Variants in CEP112 observed in about 807,000 individuals in gnomAD.
The protein encoded by CEP112 is centrosomal protein 112.
In CEP112, 127 loss-of-function variants were observed where a neutral mutation model predicts 153.0. The ratio of observed to expected loss-of-function variants is 0.83; its 90% CI spans 0.72 to 0.96. The LOEUF (loss-of-function observed/expected upper bound fraction) is 0.96, where lower values mean the gene tolerates loss of function less well. Among genes scored for constraint, CEP112 ranks in the 40% least tolerant of loss-of-function variants. The probability of loss-of-function intolerance (pLI) is 0.00; values close to 1 mark genes in which losing one functional copy is unlikely to be tolerated. For synonymous variants in CEP112, 358 were observed against 374.4 expected, an observed-to-expected ratio of 0.96 and a Z score of 0.51; for missense variants, 1,089 against 1,101.2, an observed-to-expected ratio of 0.99 and a Z score of 0.16.
At chr17:65,982,382 C>A (rs2063260847) in intron 17 of CEP112, among the ~76,000 whole-genome samples, 1 of 152,174 alleles carries the variant, frequency 6.6e-6, no homozygotes, top group Non-Finnish European at 1.5e-5. Flanking sequence ...GCAACTTGCC[C>A]AACTTAACTG....
At chr17:65,944,486 T>C (rs2061591579) in intron 18 of CEP112, among the ~76,000 whole-genome samples, 1 of 152,224 alleles carries the variant, frequency 6.6e-6, no homozygotes, top group African/African-American at 2.4e-5. Context: ...TAAAGTTAAA[T>C]GGGTTATTAT....
At chr17:66,121,258 A>T (rs1598392325) in intron 6 of CEP112, among the ~76,000 whole-genome samples, 1 of 150,590 alleles carries the variant, frequency 6.6e-6, no homozygotes, top group South Asian at 2.1e-4. Context: ...CCTGGGCAAC[A>T]TGAGCGACAC....
At chr17:65,762,770 T>C (rs2052686409) in intron 21 of CEP112, among the ~76,000 whole-genome samples, 1 of 152,024 alleles carries the variant, frequency 6.6e-6, no homozygotes, top group South Asian at 2.1e-4. Context: ...TTCACATATA[T>C]GTAAGCTTAT....
intron 8 of CEP112, among the ~76,000 whole-genome samples, chr17:66,086,011 C>A (rs1211571645): frequency 2.0e-5 from 3 of 147,412 alleles, no homozygotes; most frequent in Non-Finnish European, 3.0e-5. Flanking sequence ...ATGAAATGGT[C>A]TATATACAGT....
chr17:65,654,869 G>A (rs1340225205), intron 24 of CEP112: 1 of 479,206 alleles, frequency 2.1e-6, no homozygotes. Context: ...GAATAAGATT[G>A]AGGTTGTCAC....
chr17:66,120,262 A>G (rs2069510863), intron 6 of CEP112, among the ~76,000 whole-genome samples: 1 of 152,156 alleles, frequency 6.6e-6, no homozygotes, highest in African/African-American at 2.4e-5. Context: ...GTGCAGTGGC[A>G]TGATCTCAGC....
At chr17:66,058,030 T>C (rs752838389) in intron 11 of CEP112, among the ~76,000 whole-genome samples, 27 of 151,810 alleles carry the variant, frequency 1.8e-4, no homozygotes, top group Admixed American at 2.6e-4. Flanking sequence ...GAGGCAAAGG[T>C]TGCAGTGAGC....
chr17:65,846,261 T>C (rs1223089878), intron 21 of CEP112, among the ~76,000 whole-genome samples: 1 of 152,138 alleles, frequency 6.6e-6, no homozygotes, highest in Non-Finnish European at 1.5e-5. Context: ...CACAAAAGAA[T>C]CAGCAGCTTG....
intron 17 of CEP112, among the ~76,000 whole-genome samples, chr17:65,990,881 G>T (rs2063570637): frequency 6.6e-6 from 1 of 152,242 alleles, no homozygotes; most frequent in Non-Finnish European, 1.5e-5. Context: ...CTGTGTGCTT[G>T]GGAGAGGAGG....
chr17:65,774,085 T>TTA (rs1598538344), intron 21 of CEP112, among the ~76,000 whole-genome samples: 1 of 68,624 alleles, frequency 1.5e-5, no homozygotes, highest in Admixed American at 1.5e-4. Context: ...AGGCTCCATC[T>TTA]CAAAAAAAAA....
intron 4 of CEP112, among the ~76,000 whole-genome samples, chr17:66,170,463 G>A (rs1250580523): frequency 6.6e-6 from 1 of 152,046 alleles, no homozygotes; most frequent in African/African-American, 2.4e-5. Flanking sequence ...ATATTTCATT[G>A]TCAAGAAAAT....
intron 11 of CEP112, among the ~76,000 whole-genome samples, chr17:66,055,529 G>A (rs2066644913): frequency 6.6e-6 from 1 of 152,094 alleles, no homozygotes; most frequent in Non-Finnish European, 1.5e-5. Context: ...GGGCTCTAAA[G>A]GAGTCACTTA....
intron 13 of CEP112, among the ~76,000 whole-genome samples, chr17:66,029,619 G>A (rs370757915): frequency 2.0e-5 from 3 of 152,014 alleles, no homozygotes; most frequent in East Asian, 1.9e-4. Flanking sequence ...AGGGAGAATC[G>A]TATGAGCCCA....
At chr17:65,940,312 C>T (rs928566240) in intron 18 of CEP112, among the ~76,000 whole-genome samples, 6 of 152,122 alleles carry the variant, frequency 3.9e-5, no homozygotes. Context: ...ATAACCACTA[C>T]AGAAAATGTA....
intron 24 of CEP112, among the ~76,000 whole-genome samples, chr17:65,645,187 T>C (rs1017127723): frequency 6.6e-6 from 1 of 151,846 alleles, no homozygotes; most frequent in Non-Finnish European, 1.5e-5. Flanking sequence ...TTGACCCTTC[T>C]TTGACAATCT....
rs118012625 is a variant in CEP112, at chr17:65,676,897, A to G, written c.2697+12232T>C. The stretch of plus-strand genomic sequence containing the variant: ...ATCTTAAGCTGAAGAGTAGAAAAAT[A>G]AGATAAATTGCTGCTCTGGTTTCAA... On this transcript the variant is annotated intron_variant, in intron 24 of 26. Transcript: ENST00000535342. 1.0e-3 allele frequency among the ~76,000 whole-genome samples: 154 copies of G among 152,316 alleles called. 2 individuals carry two copies. In the East Asian group the frequency reaches 0.027, roughly 27 times the overall value.
intron 21 of CEP112, among the ~76,000 whole-genome samples, chr17:65,788,928 T>C (rs562773862): frequency 6.6e-6 from 1 of 152,238 alleles, no homozygotes; most frequent in Non-Finnish European, 1.5e-5. Flanking sequence ...CAATTGCTTA[T>C]CGATCTATAG....
chr17:65,649,598 G>C (rs574608283), intron 24 of CEP112, among the ~76,000 whole-genome samples: 2 of 151,490 alleles, frequency 1.3e-5, no homozygotes, highest in East Asian at 3.9e-4. Flanking sequence ...ATGCATCTGC[G>C]GTCCCAGCTA....
chr17:66,188,359 C>G (rs1214979312), intron 1 of CEP112, among the ~76,000 whole-genome samples: 2 of 151,484 alleles, frequency 1.3e-5, no homozygotes, highest in East Asian at 1.9e-4. Flanking sequence ...CAAATGCCCA[C>G]TTCCCTCTTG....
Sources: allele counts gnomAD v4.1 joint callset (sites outside exome capture counted in the v4.1 genomes callset), GRCh38; gene constraint gnomAD v4.1.1; transcripts MANE v1.5; gene names NCBI Gene and HGNC (gene_info 2026-07-23, HGNC 2026-07-21).